Variants in UNKL observed in about 807,000 individuals in gnomAD.
UNKL encodes the protein putative E3 ubiquitin-protein ligase UNKL.
In UNKL, 60 loss-of-function variants were observed where a neutral mutation model predicts 78.0. The observed-to-expected ratio is 0.77, with a 90% confidence interval of 0.63 to 0.95. UNKL has a LOEUF of 0.95. Among genes scored for constraint, UNKL ranks in the 40% least tolerant of loss-of-function variants. UNKL has a pLI of 0.00. For synonymous variants in UNKL, 608 were observed against 474.8 expected, an observed-to-expected ratio of 1.28 and a Z score of -3.65; for missense variants, 1,159 against 1,045.7, an observed-to-expected ratio of 1.11 and a Z score of -1.49.
At chr16:1,393,047 A>G in intron 7 of UNKL, 71 bp from the exon 8 acceptor site, 2 of 1,463,874 alleles carry the variant, frequency 1.4e-6, no homozygotes, top group South Asian at 2.4e-5. Context: ...AAGTCTCCGC[A>G]CCACACGTCA....
At chr16:1,400,106 A>G (rs1317918746) in intron 4 of UNKL, among the ~76,000 whole-genome samples, 1 of 152,114 alleles carries the variant, frequency 6.6e-6, no homozygotes, top group Non-Finnish European at 1.5e-5. Flanking sequence ...ACCGCTCTAA[A>G]AAATAAAGCC....
At chr16:1,372,856 T>C (rs4984647) in intron 10 of UNKL, among the ~76,000 whole-genome samples, 41,098 of 47,426 alleles carry the variant, frequency 0.87, 17,665 homozygotes, top group East Asian at 0.99. Flanking sequence ...CGGCCTACAC[T>C]GCACAGAGAC....
intron 10 of UNKL, among the ~76,000 whole-genome samples, chr16:1,381,217 T>A (rs546571634): frequency 1.3e-4 from 20 of 152,378 alleles, no homozygotes; most frequent in African/African-American, 4.1e-4. Context: ...TGTTTGGGAT[T>A]TAATTTTCCT....
chr16:1,383,870 C>T (rs953281124), intron 10 of UNKL: 14 of 403,960 alleles, frequency 3.5e-5, no homozygotes, highest in Non-Finnish European at 5.6e-5. Context: ...GATCCCATGC[C>T]CAGCTCCCCC....
intron 2 of UNKL, among the ~76,000 whole-genome samples, chr16:1,410,413 G>A (rs535080827): frequency 1.3e-5 from 2 of 152,308 alleles, no homozygotes; most frequent in East Asian, 3.9e-4. Context: ...TTCGAGACCA[G>A]CCTGACCAAC....
At chr16:1,391,007 G>A (rs1460851529) in intron 8 of UNKL, among the ~76,000 whole-genome samples, 1 of 151,942 alleles carries the variant, frequency 6.6e-6, no homozygotes, top group Non-Finnish European at 1.5e-5. Context: ...TCCAGCCTGG[G>A]CAACAAGAGT....
chr16:1,365,145 T>G lies in UNKL; in HGVS notation c.*1095A>C, dbSNP rs1422773095. Reference sequence around the variant, plus strand: ...AGTAGCTGGGACTACAGGTGCCCGCTCTCACGCCAGGCCAATTTTTGTATT... The same window carrying G: ...AGTAGCTGGGACTACAGGTGCCCGCGCTCACGCCAGGCCAATTTTTGTATT... On this transcript the variant is annotated 3_prime_UTR_variant, in exon 15 of 15. Transcript: ENST00000389221. The G allele has an allele frequency of 6.6e-6, 1 of 151,990 alleles. No individual in the cohort carries two copies. Among genetic ancestry groups the G allele is most frequent in the Non-Finnish European group, 1.5e-5 (1 of 68,032 alleles). 9.4% of individuals were successfully genotyped at this position (151,990 alleles called of 1,614,324 possible).
At chr16:1,396,495 C>T (rs550413831) in intron 6 of UNKL, among the ~76,000 whole-genome samples, 6 of 150,822 alleles carry the variant, frequency 4.0e-5, no homozygotes, top group African/African-American at 1.2e-4. Flanking sequence ...AGGCTGGTTT[C>T]GAACCCCTGA....
At chr16:1,395,656 C>T (rs1017986751) in intron 6 of UNKL, 1 of 453,506 alleles carries the variant, frequency 2.2e-6, no homozygotes, top group Admixed American at 2.4e-5. Flanking sequence ...GGGGCGGGGC[C>T]CAGGCGGGAG....
At position 1,376,000 on chromosome 16, in the gene UNKL, G is replaced by A. The variant is rs180848730; in HGVS notation, c.1265-4389C>T. Reference sequence around the variant, plus strand: ...ACTGCAGGCAGTGGCAGAGGACCACGCACTGAGCGGCCTTGGACAGGTGGC... The same window carrying A: ...ACTGCAGGCAGTGGCAGAGGACCACACACTGAGCGGCCTTGGACAGGTGGC... On this transcript the variant is annotated intron_variant, in intron 10 of 14. Transcript: ENST00000389221. 3.6e-4 allele frequency among the ~76,000 whole-genome samples: 55 copies of A among 152,340 alleles called. 1 individual carries two copies. The East Asian group carries it at 6.4e-3, about 18-fold the overall frequency.
chr16:1,406,723 G>A (rs1012854527), intron 2 of UNKL, among the ~76,000 whole-genome samples: 3 of 152,126 alleles, frequency 2.0e-5, no homozygotes, highest in Non-Finnish European at 2.9e-5. Flanking sequence ...CTCATCATGA[G>A]ATCAGTTTAA....
At chr16:1,390,806 G>T in intron 8 of UNKL, 112 bp from the exon 9 acceptor site, 3 of 1,143,916 alleles carry the variant, frequency 2.6e-6, no homozygotes, top group South Asian at 2.8e-5. Context: ...GAGGCGGGCG[G>T]ATCATCTGAG....
chr16:1,370,206 C>A lies in UNKL; in HGVS notation c.1509G>T (p.Thr503=), dbSNP rs766736267. The A allele has an allele frequency of 2.0e-6, 3 of 1,525,854 alleles. No homozygotes were observed. Among genetic ancestry groups the A allele is most frequent in the South Asian group, 2.4e-5 (2 of 82,644 alleles). The allele number at this position is 1,525,854 out of a possible 1,614,324, so 94.5% of individuals were successfully genotyped here. A position where few individuals can be genotyped will look rare whatever the true frequency, so the allele number is the denominator to read the frequency against. The change falls in exon 12 of 15, where the codon ACG becomes ACT. Residue 503 remains threonine (T), a synonymous_variant. Transcript: ENST00000389221. ...GCAGGGGTGGCGGCTGCTGGGGAGG[C>A]GTCATGGCTGAGGAGCCCACCGGCC... is the stretch of plus-strand genomic sequence containing the variant. ...LPGPVGSSAM[T]PPQQPPPLRS...
At position 1,399,606 on chromosome 16, in the gene UNKL, G is replaced by GAAGGAA. The variant is rs983625554; in HGVS notation, c.599-98_599-97insTTCCTT. ...GAAGGACCTGGCTGTCCCCCAAATGGAAGGGGCTGCAGGAGGACTTGGGGA... is the reference window on the plus strand; with the variant it reads ...GAAGGACCTGGCTGTCCCCCAAATGGAAGGAAAAGGGGCTGCAGGAGGACTTGGGGA... On this transcript the variant is annotated intron_variant, in intron 4 of 14. Coordinates refer to ENST00000389221, the MANE Select transcript of UNKL (RefSeq NM_001372107.1). This position sits in a 1 kb window ranked among gnomAD's most constrained non-coding sequence, Gnocchi z 5.8. The GAAGGAA allele has an allele frequency of 3.3e-6, 5 of 1,519,046 alleles. No homozygotes were observed. The African/African-American group carries it at 6.9e-5, about 21-fold the overall frequency. 94.1% of individuals were successfully genotyped at this position (1,519,046 alleles called of 1,614,324 possible).
intron 10 of UNKL, among the ~76,000 whole-genome samples, chr16:1,377,588 C>A (rs941868386): frequency 6.6e-6 from 1 of 152,062 alleles, no homozygotes; most frequent in Non-Finnish European, 1.5e-5. Flanking sequence ...TCCAGCCCTG[C>A]GCCTGTGCCC....
At chr16:1,368,198 G>A (rs2035467311) in intron 12 of UNKL, 3 of 385,416 alleles carry the variant, frequency 7.8e-6, no homozygotes, top group South Asian at 3.3e-5. Flanking sequence ...CCACTCCCAG[G>A]AACCCCTCAC....
intron 11 of UNKL, among the ~76,000 whole-genome samples, chr16:1,370,879 G>C (rs904601183): frequency 1.6e-4 from 25 of 152,194 alleles, no homozygotes; most frequent in South Asian, 6.2e-4. Flanking sequence ...GTCAGGAGAT[G>C]GAGACCATCC....
At chr16:1,395,471 GTTT>G (rs974317529) in intron 6 of UNKL, among the ~76,000 whole-genome samples, 1 of 152,124 alleles carries the variant, frequency 6.6e-6, no homozygotes, top group Non-Finnish European at 1.5e-5. Context: ...TGGCCTGTTT[GTTT>G]TTAATACAAA....
intron 10 of UNKL, among the ~76,000 whole-genome samples, chr16:1,378,231 C>T (rs981531772): frequency 6.6e-6 from 1 of 152,204 alleles, no homozygotes; most frequent in African/African-American, 2.4e-5. Context: ...AGGCACCGAC[C>T]CCCCAACCCG....
Sources: allele counts gnomAD v4.1 joint callset (sites outside exome capture counted in the v4.1 genomes callset), GRCh38; gene constraint gnomAD v4.1.1; non-coding constraint Gnocchi (gnomAD v3.1); transcripts MANE v1.5; gene names NCBI Gene and HGNC (gene_info 2026-07-23, HGNC 2026-07-21).